Variants in ZBTB20 observed in about 807,000 individuals in gnomAD.
The protein encoded by ZBTB20 is zinc finger and BTB domain containing 20, also known as zinc finger and BTB domain-containing protein 20.
ZBTB20 carries 9 observed loss-of-function variants against 56.9 expected under a neutral mutation model. The ratio of observed to expected loss-of-function variants is 0.16; its 90% CI spans 0.10 to 0.28. The LOEUF (loss-of-function observed/expected upper bound fraction) is 0.28, where lower values mean the gene tolerates loss of function less well. Among genes scored for constraint, ZBTB20 ranks in the 10% least tolerant of loss-of-function variants. The probability of loss-of-function intolerance (pLI) is 1.00; values close to 1 mark genes in which losing one functional copy is unlikely to be tolerated. For missense variants in ZBTB20, 655 were observed against 1,003.0 expected (o/e 0.65, Z 4.69); for synonymous variants, 417 against 420.7 (o/e 0.99, Z 0.11).
At chr3:115,135,934 C>A (rs2084641512) in intron 1 of ZBTB20, among the ~76,000 whole-genome samples, 1 of 152,052 alleles carries the variant, frequency 6.6e-6, no homozygotes, top group Non-Finnish European at 1.5e-5. Flanking sequence ...AGTTCAAAAT[C>A]TCAATTGCAA....
At chr3:114,377,102 C>A (rs761889356) in intron 10 of ZBTB20, among the ~76,000 whole-genome samples, 16 of 152,312 alleles carry the variant, frequency 1.1e-4, no homozygotes, top group Non-Finnish European at 1.9e-4. Flanking sequence ...CTTGGCTCAG[C>A]TCATACTCAG....
chr3:114,755,738 C>T (rs911754719), intron 5 of ZBTB20, among the ~76,000 whole-genome samples: 5 of 152,060 alleles, frequency 3.3e-5, no homozygotes, highest in African/African-American at 1.2e-4. Context: ...ATCCATGTCC[C>T]AGGGAAGGTA....
At chr3:115,045,362 A>C (rs962968109) in intron 2 of ZBTB20, among the ~76,000 whole-genome samples, 2 of 152,132 alleles carry the variant, frequency 1.3e-5, no homozygotes, top group African/African-American at 4.8e-5. Flanking sequence ...TTGTCTATAT[A>C]ATTTTCCCGT....
intron 6 of ZBTB20, among the ~76,000 whole-genome samples, chr3:114,685,950 T>A (rs188134849): frequency 2.0e-3 from 304 of 152,236 alleles, no homozygotes; most frequent in South Asian, 0.014. Flanking sequence ...CATATAATTT[T>A]AAAAAAATCT....
intron 10 of ZBTB20, among the ~76,000 whole-genome samples, chr3:114,379,448 GA>G (rs1160020451): frequency 6.6e-6 from 1 of 151,960 alleles, no homozygotes; most frequent in Non-Finnish European, 1.5e-5. Flanking sequence ...TTCAGAAAAA[GA>G]AAAAAATCTC....
At chr3:114,537,368 A>G (rs2048588541) in intron 6 of ZBTB20, among the ~76,000 whole-genome samples, 1 of 152,248 alleles carries the variant, frequency 6.6e-6, no homozygotes, top group South Asian at 2.1e-4. Context: ...TTATGTGGTC[A>G]ACGAACATAT....
At chr3:114,687,626 A>G (rs1480387098) in intron 6 of ZBTB20, 4 of 151,094 alleles carry the variant, frequency 2.6e-5, no homozygotes, top group Non-Finnish European at 5.9e-5. Context: ...AAAAAAAAAA[A>G]GAAAGAAAGA....
In ZBTB20 at chr3:114,565,980, T is replaced by C. The variant is rs111989469; in HGVS notation, c.-294-65589A>G. On this transcript the variant is annotated intron_variant, in intron 6 of 11. Transcript: ENST00000675478. The stretch of plus-strand genomic sequence containing the variant: ...CACTCTTTCCAGGTAAAAGAAGTAA[T>C]TACCAACAATACATACATTTTTTCT... Among the ~76,000 whole-genome samples the C allele has an allele frequency of 9.5e-4, 144 of 152,064 alleles. 2 individuals are homozygous for C. The highest frequency in any genetic ancestry group is 3.4e-3 in the African/African-American group (142 of 41,414).
intron 6 of ZBTB20, among the ~76,000 whole-genome samples, chr3:114,604,816 T>C (rs1157518342): frequency 6.6e-6 from 1 of 152,030 alleles, no homozygotes; most frequent in Non-Finnish European, 1.5e-5. Flanking sequence ...ACCAGTAAAA[T>C]ATAAAATGAC....
intron 6 of ZBTB20, among the ~76,000 whole-genome samples, chr3:114,606,518 C>T (rs2057165275): frequency 6.6e-6 from 1 of 152,128 alleles, no homozygotes; most frequent in Non-Finnish European, 1.5e-5. Flanking sequence ...AGGTTGCAGG[C>T]TGCCCACTGC....
intron 3 of ZBTB20, among the ~76,000 whole-genome samples, chr3:114,936,832 T>C (rs997648333): frequency 6.6e-6 from 1 of 152,170 alleles, no homozygotes; most frequent in South Asian, 2.1e-4. Flanking sequence ...CCAGTTTGGG[T>C]CCTCTTGTGC....
chr3:114,937,949 T>A lies in ZBTB20; in HGVS notation c.-456+36417A>T, dbSNP rs1037527986. 5.3e-5 allele frequency among the ~76,000 whole-genome samples: 8 copies of A among 151,272 alleles called. No homozygotes were observed. In the East Asian group the frequency reaches 1.6e-3, roughly 30 times the overall value. The stretch of plus-strand genomic sequence containing the variant: ...CATGTCTACTAAAAACACAAAAAAA[T>A]TGGCCGGCCGTGGTGGTGGGCGCCT... On this transcript the variant is annotated intron_variant, in intron 3 of 11. Coordinates refer to ENST00000675478, the MANE Select transcript of ZBTB20 (RefSeq NM_001348800.3).
chr3:115,044,436 G>A (rs1276386890), intron 2 of ZBTB20, among the ~76,000 whole-genome samples: 1 of 152,194 alleles, frequency 6.6e-6, no homozygotes, highest in African/African-American at 2.4e-5. Context: ...AAAGCCTAAT[G>A]TGGTTCAGTC....
At chr3:114,709,192 T>G (rs2063897226) in intron 5 of ZBTB20, among the ~76,000 whole-genome samples, 1 of 152,184 alleles carries the variant, frequency 6.6e-6, no homozygotes, top group Non-Finnish European at 1.5e-5. Flanking sequence ...TGCTTTCAAT[T>G]CAGCCTCCAT....
chr3:114,930,788 C>T (rs112344718), intron 3 of ZBTB20: 3,196 of 290,806 alleles, frequency 0.011, 29 homozygotes, highest in African/African-American at 0.029. Flanking sequence ...AAGAGTAACC[C>T]CAGGAAGTAC....
At position 114,410,745 on chromosome 3, in the gene ZBTB20, A is replaced by G. The variant is rs572187144; in HGVS notation, c.-254-21640T>C. ...GGAAGAAATCAGGGATTAAATACAT[A>G]CAGTTTGGAGAAAAATCAGGCTCTA... On this transcript the variant is annotated intron_variant, in intron 7 of 11. Transcript: ENST00000675478. 1.2e-4 allele frequency among the ~76,000 whole-genome samples: 18 copies of G among 152,318 alleles called. 1 individual carries two copies. The highest frequency in any genetic ancestry group is 4.1e-4 in the African/African-American group (17 of 41,582).
In ZBTB20 at chr3:114,327,254, C is replaced by T. The variant is rs900108708; in HGVS notation, c.*11751G>A. ...TCTGGGTCTTGGGGTTGGAATACTT[C>T]TTGGGGAACTAGAAAGAACAGCATC... On this transcript the variant is annotated 3_prime_UTR_variant, in exon 12 of 12. Transcript: ENST00000675478. The T allele has an allele frequency of 2.4e-4, 36 of 152,112 alleles. No homozygotes were observed. The highest frequency in any genetic ancestry group is 5.9e-4 in the Admixed American group (9 of 15,260). The allele number at this position is 152,112 out of a possible 1,614,324, so 9.4% of individuals were successfully genotyped here. A position where few individuals can be genotyped will look rare whatever the true frequency, so the allele number is the denominator to read the frequency against.
intron 1 of ZBTB20, among the ~76,000 whole-genome samples, chr3:115,108,871 A>C (rs2083796496): frequency 6.6e-6 from 1 of 152,140 alleles, no homozygotes; most frequent in Non-Finnish European, 1.5e-5. Flanking sequence ...TAAAGGAGAA[A>C]TATGACCATG....
At chr3:114,614,441 G>A (rs2057776009) in intron 6 of ZBTB20, among the ~76,000 whole-genome samples, 1 of 152,132 alleles carries the variant, frequency 6.6e-6, no homozygotes, top group South Asian at 2.1e-4. Context: ...GGTAAGTGTG[G>A]CTGTCTATCT....
Sources: gnomAD v4.1 joint callset for allele counts (sites outside exome capture counted in the v4.1 genomes callset) on GRCh38, gnomAD v4.1.1 for gene constraint, MANE v1.5 for transcripts, NCBI Gene and HGNC (gene_info 2026-07-23, HGNC 2026-07-21) for gene names.